The following RBM28 variants were observed in gnomAD, a reference collection of about 807,000 sequenced individuals.
RBM28 encodes the protein RNA binding motif protein 28, also known as RNA-binding protein 28.
Under a neutral mutation model 98.3 loss-of-function variants are expected in RBM28, and 78 were observed. The observed-to-expected ratio is 0.79, with a 90% CI of 0.66 to 0.96. The LOEUF is 0.96. RBM28 is among the 40% of genes least tolerant of loss of function. The pLI is 0.00. For synonymous variants in RBM28, 306 were observed against 330.9 expected, an observed-to-expected ratio of 0.92 and a Z score of 0.82; for missense variants, 838 against 913.0, an observed-to-expected ratio of 0.92 and a Z score of 1.06.
chr7:128,339,754 A>T lies in RBM28; in HGVS notation c.156T>A (p.Phe52Leu). ...CCCTCTGAACATCTTCCAGCATTGA[A>T]AAAGTGACATAGCCAAAGCCTCGAC... ...KACRGFGYVT[F>L]SMLEDVQRAL... The change falls in exon 2 of 19, where the codon TTT becomes TTA. Residue 52 changes from phenylalanine to leucine, a missense_variant. Coordinates refer to ENST00000223073, the MANE Select transcript of RBM28 (RefSeq NM_018077.3). The T allele has an allele frequency of 6.2e-7, 1 of 1,614,134 alleles. No individual in the cohort carries two copies. Among genetic ancestry groups the T allele is most frequent in the Non-Finnish European group, 8.5e-7 (1 of 1,179,984 alleles).
intron 8 of RBM28, among the ~76,000 whole-genome samples, chr7:128,334,784 G>C (rs1796561338): frequency 6.6e-6 from 1 of 152,180 alleles, no homozygotes; most frequent in Admixed American, 6.5e-5. Flanking sequence ...AATTGTATTT[G>C]GAGACAGAGA....
At chr7:128,324,380 C>T (rs372978692) in intron 12 of RBM28, among the ~76,000 whole-genome samples, 179 bp downstream of exon 12, 10 of 152,252 alleles carry the variant, frequency 6.6e-5, no homozygotes, top group African/African-American at 1.4e-4. Flanking sequence ...TCCACAAAAA[C>T]GAGTGAAGGT....
Position 128,310,470 on chromosome 7 carries a change from A to G in RBM28, c.*327T>C. The G allele has an allele frequency of 5.7e-6, 2 of 350,468 alleles. No homozygotes were observed. Among genetic ancestry groups the G allele is most frequent in the East Asian group, 1.3e-4 (2 of 15,988 alleles). The allele number at this position is 350,468 out of a possible 1,614,324, so 21.7% of individuals were successfully genotyped here. A position where few individuals can be genotyped will look rare whatever the true frequency, so the allele number is the denominator to read the frequency against. ...AAAATATACATCTTAAAAATTCAGC[A>G]CTCCAGAATGCTTTTTCAGGTGTTT... On this transcript the variant is annotated 3_prime_UTR_variant, in exon 19 of 19. Coordinates refer to ENST00000223073, the MANE Select transcript of RBM28 (RefSeq NM_018077.3).
rs1352358992 is a variant in RBM28, at chr7:128,309,017, C to T, written c.*1780G>A. 2 of 148,844 alleles carry T rather than the reference C, an allele frequency of 1.3e-5. No homozygotes were observed. Among genetic ancestry groups the T allele is most frequent in the Non-Finnish European group, 3.0e-5 (2 of 67,390 alleles). 9.2% of individuals were successfully genotyped at this position (148,844 alleles called of 1,614,324 possible). On this transcript the variant is annotated 3_prime_UTR_variant, in exon 19 of 19. Transcript: ENST00000223073. The stretch of plus-strand genomic sequence containing the variant: ...AGAAATAACCATATCTCTAGCTCAG[C>T]AATGGTTCTGTCAAAGCATTATTTG...
chr7:128,303,604 G>A lies in RBM28; in HGVS notation c.*7193C>T, dbSNP rs1795809404. 6.6e-6 allele frequency: 1 copy of A among 152,282 alleles called. No homozygotes were observed. Among genetic ancestry groups the A allele is most frequent in the African/African-American group, 2.4e-5 (1 of 41,458 alleles). The allele number at this position is 152,282 out of a possible 1,614,324, so 9.4% of individuals were successfully genotyped here. A position where few individuals can be genotyped will look rare whatever the true frequency, so the allele number is the denominator to read the frequency against. On this transcript the variant is annotated 3_prime_UTR_variant, in exon 19 of 19. Coordinates refer to ENST00000223073, the MANE Select transcript of RBM28 (RefSeq NM_018077.3). ...CTGTGCAAAGCCCCACCCACAGGCA[G>A]CTGCTCCAGGTGTCGTTTAAGGGCT...
rs528010359 is a variant in RBM28, at chr7:128,308,425, G to A, written c.*2372C>T. The A allele has an allele frequency of 1.3e-5, 2 of 152,326 alleles. No individual in the cohort carries two copies. Among genetic ancestry groups the A allele is most frequent in the East Asian group, 3.9e-4 (2 of 5,180 alleles). 9.4% of individuals were successfully genotyped at this position (152,326 alleles called of 1,614,324 possible). A position where few individuals can be genotyped will look rare whatever the true frequency, so the allele number is the denominator to read the frequency against. On this transcript the variant is annotated 3_prime_UTR_variant, in exon 19 of 19. Coordinates refer to ENST00000223073, the MANE Select transcript of RBM28 (RefSeq NM_018077.3). The stretch of plus-strand genomic sequence containing the variant: ...ATGGCCAAGGAAAAACAGATCACCT[G>A]ACTGGCAGGTTATAGCTATTGTGAC...
In RBM28 at chr7:128,338,235, G is replaced by A. The variant is rs773379663; in HGVS notation, c.541+15C>T. Reference sequence around the variant, plus strand: ...AGAAATATCTGGGTCAATGATATGGGTATAGAAAGCTTACCTTTTATCTCT... The same window carrying A: ...AGAAATATCTGGGTCAATGATATGGATATAGAAAGCTTACCTTTTATCTCT... On this transcript the variant is annotated intron_variant, in intron 5 of 18. Coordinates refer to ENST00000223073, the MANE Select transcript of RBM28 (RefSeq NM_018077.3). The A allele has an allele frequency of 1.3e-6, 2 of 1,585,140 alleles. No homozygotes were observed. The highest frequency in any genetic ancestry group is 2.7e-5 in the African/African-American group (2 of 74,304).
At chr7:128,319,972 C>A (rs1796187183) in intron 14 of RBM28, among the ~76,000 whole-genome samples, 1 of 152,142 alleles carries the variant, frequency 6.6e-6, no homozygotes, top group African/African-American at 2.4e-5. Context: ...AATCCCAGCA[C>A]TTTGGGAGGC....
rs867999531 is a variant in RBM28 at position 128,337,439 on chromosome 7, G to A, written c.542-237C>T. 3.9e-5 allele frequency among the ~76,000 whole-genome samples: 6 copies of A among 152,006 alleles called. No individual in the cohort carries two copies. The Middle Eastern group carries it at 0.01, about 262-fold the overall frequency. ...TACATAGCCACCACACCTGGGATAA[G>A]ATGGAGTAAAAAAATAAAGAATTAG... On this transcript the variant is annotated intron_variant, in intron 5 of 18. Transcript: ENST00000223073.
chr7:128,328,262 C>CA (rs1376973634), intron 10 of RBM28, among the ~76,000 whole-genome samples: 2 of 152,192 alleles, frequency 1.3e-5, no homozygotes, highest in Non-Finnish European at 2.9e-5. Context: ...TAGGCAGATT[C>CA]AAATGAATCT....
rs781729704 is a variant in RBM28 at position 128,323,597 on chromosome 7, G to A, written c.1340-6C>T. The stretch of plus-strand genomic sequence containing the variant: ...CTTCGTCCCAGCACGAATCACTGCA[G>A]AAAGAGGGAAAAAGGCCAAGACATC... On this transcript the variant is annotated splice_region_variant and splice_polypyrimidine_tract_variant and intron_variant, in intron 12 of 18. Transcript: ENST00000223073. 9 of 1,613,968 alleles carry A rather than the reference G, an allele frequency of 5.6e-6. No individual in the cohort carries two copies. In the South Asian group the frequency reaches 7.7e-5, roughly 14 times the overall value.
At chr7:128,311,483 G>C (rs769584862) in intron 18 of RBM28, among the ~76,000 whole-genome samples, 3 of 152,154 alleles carry the variant, frequency 2.0e-5, no homozygotes, top group Non-Finnish European at 4.4e-5. Context: ...AGGAACTAAG[G>C]CTCCTTGGGA....
At chr7:128,341,579 C>T (rs1796726044) in intron 1 of RBM28, among the ~76,000 whole-genome samples, 1 of 152,192 alleles carries the variant, frequency 6.6e-6, no homozygotes, top group South Asian at 2.1e-4. Context: ...CTTTCCAGTA[C>T]ATATCAGCTG....
rs776811108 is a variant in RBM28, at chr7:128,330,796, C to T, written c.1129+23G>A. On this transcript the variant is annotated intron_variant, in intron 10 of 18. Transcript: ENST00000223073. ...GGCAGTGGTCTCAACCCTTTTAGGG[C>T]CTGGCCAGCTGACAACACATACCTT... The T allele has an allele frequency of 3.2e-6, 5 of 1,564,996 alleles. No individual in the cohort carries two copies. In the Admixed American group the frequency reaches 6.7e-5, roughly 21 times the overall value.
intron 10 of RBM28, among the ~76,000 whole-genome samples, chr7:128,327,632 C>G (rs1796382867): frequency 6.6e-6 from 1 of 152,052 alleles, no homozygotes; most frequent in Non-Finnish European, 1.5e-5. Flanking sequence ...TCCCAAGTAG[C>G]TGAGATTACA....
chr7:128,324,820 C>G, intron 11 of RBM28, 126 bp from the exon 12 acceptor site: 1 of 1,291,536 alleles, frequency 7.7e-7, no homozygotes, highest in Non-Finnish European at 1.1e-6. Context: ...TCAAGGCCAG[C>G]CTGGCCAACA....
At chr7:128,341,437 C>G (rs1362492364) in intron 1 of RBM28, among the ~76,000 whole-genome samples, 1 of 152,204 alleles carries the variant, frequency 6.6e-6, no homozygotes, top group East Asian at 1.9e-4. Flanking sequence ...ATAAAGCATG[C>G]TCACATACAT....
At chr7:128,314,695 T>A in intron 17 of RBM28, 69 bp downstream of exon 17, 1 of 1,605,858 alleles carries the variant, frequency 6.2e-7, no homozygotes, top group Admixed American at 1.7e-5. Flanking sequence ...AAAGAGAAAA[T>A]AACTCAGCAA....
chr7:128,312,184 C>T (rs559234331), intron 18 of RBM28, among the ~76,000 whole-genome samples: 5 of 152,186 alleles, frequency 3.3e-5, no homozygotes, highest in South Asian at 4.2e-4. Flanking sequence ...TTTGGGAGGC[C>T]GAGGCAGGCG....
Sources: allele counts gnomAD v4.1 joint callset (sites outside exome capture counted in the v4.1 genomes callset), GRCh38; gene constraint gnomAD v4.1.1; transcripts MANE v1.5; gene names NCBI Gene and HGNC (gene_info 2026-07-23, HGNC 2026-07-21).